Variants in TNR observed in about 807,000 individuals in gnomAD.
TNR encodes the protein tenascin R, also known as tenascin-R.
Under a neutral mutation model 150.4 loss-of-function variants are expected in TNR, and 45 were observed. The ratio of observed to expected loss-of-function variants is 0.30; its 90% CI spans 0.24 to 0.38. The LOEUF (loss-of-function observed/expected upper bound fraction) is 0.38. TNR is among the 10% of genes least tolerant of loss of function. The pLI, the probability that TNR is intolerant of heterozygous loss-of-function variation, is 1.00. For synonymous variants in TNR, 687 were observed against 678.4 expected (o/e 1.01, Z -0.20); for missense variants, 1,544 against 1,759.1 (o/e 0.88, Z 2.19).
intron 1 of TNR, among the ~76,000 whole-genome samples, chr1:175,557,888 A>G (rs368862493): frequency 0.021 from 2,170 of 104,508 alleles, 29 homozygotes; most frequent in South Asian, 0.054. Flanking sequence ...TCCAACAACG[A>G]TAGACTGGAT....
chr1:175,403,635 A>G lies in TNR; in HGVS notation c.500-19T>C, dbSNP rs980557229. 16 of 1,591,830 alleles carry G rather than the reference A, an allele frequency of 1.0e-5. No individual in the cohort carries two copies. Among genetic ancestry groups the G allele is most frequent in the Non-Finnish European group, 1.4e-5 (16 of 1,165,110 alleles). On this transcript the variant is annotated intron_variant, in intron 3 of 22. Coordinates refer to ENST00000367674, the MANE Select transcript of TNR (RefSeq NM_003285.3). ...AGTTGTCCTGGAATGGTCAAGGAGA[A>G]GGTCAAAGAGCAGCAGTGGCCTCTC...
chr1:175,522,635 C>T (rs1447971175), intron 2 of TNR, among the ~76,000 whole-genome samples: 4 of 152,110 alleles, frequency 2.6e-5, no homozygotes, highest in African/African-American at 9.7e-5. Flanking sequence ...GAAGTTGACA[C>T]AGTATGTAGT....
intron 2 of TNR, among the ~76,000 whole-genome samples, chr1:175,461,185 G>A (rs1166798508): frequency 3.9e-5 from 6 of 152,156 alleles, no homozygotes; most frequent in South Asian, 2.1e-4. Context: ...ACCCTGCAGG[G>A]GTCTGCATTT....
At chr1:175,700,697 CA>C (rs1666667329) in intron 1 of TNR, among the ~76,000 whole-genome samples, 1 of 152,188 alleles carries the variant, frequency 6.6e-6, no homozygotes, top group Non-Finnish European at 1.5e-5. Flanking sequence ...TTCCATACAT[CA>C]GGTGACCACG....
intron 2 of TNR, among the ~76,000 whole-genome samples, chr1:175,481,317 C>T (rs963924068): frequency 2.0e-5 from 3 of 152,130 alleles, no homozygotes; most frequent in Non-Finnish European, 4.4e-5. Context: ...TCGGTAGAGG[C>T]CACTGTTAAC....
Position 175,621,894 on chromosome 1 carries a change from T to A in TNR, c.-164-93525A>T, listed in dbSNP as rs116796147. On this transcript the variant is annotated intron_variant, in intron 1 of 22. Coordinates refer to ENST00000367674, the MANE Select transcript of TNR (RefSeq NM_003285.3). ...CAAAGGTTAAGGGTATGGCCCTAGA[T>A]TGAGCCTACCCTGGTTCACATCTCA... 5.8e-3 allele frequency among the ~76,000 whole-genome samples: 887 copies of A among 152,368 alleles called. 10 individuals carry two copies. The highest frequency in any genetic ancestry group is 0.02 in the African/African-American group (830 of 41,586).
intron 1 of TNR, among the ~76,000 whole-genome samples, chr1:175,572,227 C>T (rs1442361921): frequency 1.3e-5 from 2 of 152,164 alleles, no homozygotes; most frequent in African/African-American, 4.8e-5. Context: ...TAAAGAGTAG[C>T]CACTGCCATT....
At chr1:175,509,377 T>C (rs1235321272) in intron 2 of TNR, among the ~76,000 whole-genome samples, 3 of 152,234 alleles carry the variant, frequency 2.0e-5, no homozygotes, top group Non-Finnish European at 4.4e-5. Context: ...GGTCTTTGGA[T>C]GATAAAGCCT....
At chr1:175,426,548 T>G (rs1308041469) in intron 2 of TNR, among the ~76,000 whole-genome samples, 1 of 152,158 alleles carries the variant, frequency 6.6e-6, no homozygotes, top group East Asian at 1.9e-4. Flanking sequence ...GATGCATCTC[T>G]GAATCTCCCT....
At chr1:175,481,584 G>C (rs1657811028) in intron 2 of TNR, among the ~76,000 whole-genome samples, 2 of 152,138 alleles carry the variant, frequency 1.3e-5, no homozygotes, top group African/African-American at 4.8e-5. Context: ...ATGAGACACA[G>C]CCTCGGCAGA....
intron 1 of TNR, among the ~76,000 whole-genome samples, chr1:175,621,065 G>C (rs1663958890): frequency 6.6e-6 from 1 of 152,156 alleles, no homozygotes; most frequent in Non-Finnish European, 1.5e-5. Context: ...CTCTTGCCTT[G>C]ATTCAGGACG....
intron 1 of TNR, among the ~76,000 whole-genome samples, chr1:175,628,208 G>A (rs947292759): frequency 1.3e-5 from 2 of 152,306 alleles, no homozygotes; most frequent in African/African-American, 2.4e-5. Flanking sequence ...CAAGGAAAAT[G>A]TGTTTTCAGG....
chr1:175,455,131 C>A (rs906545037), intron 2 of TNR, among the ~76,000 whole-genome samples: 3 of 152,184 alleles, frequency 2.0e-5, no homozygotes, highest in Non-Finnish European at 4.4e-5. Context: ...CAGCAGTGGG[C>A]CAGACATGTG....
At chr1:175,539,927 G>A (rs920720583) in intron 1 of TNR, among the ~76,000 whole-genome samples, 2 of 152,110 alleles carry the variant, frequency 1.3e-5, no homozygotes, top group African/African-American at 4.8e-5. Flanking sequence ...AGGGACTTAA[G>A]GACTGCCATG....
At chr1:175,548,384 G>A (rs1249257832) in intron 1 of TNR, among the ~76,000 whole-genome samples, 2 of 152,062 alleles carry the variant, frequency 1.3e-5, no homozygotes, top group Non-Finnish European at 2.9e-5. Context: ...GTAGCTGCAC[G>A]AGGAGTCTCC....
intron 7 of TNR, among the ~76,000 whole-genome samples, chr1:175,389,415 T>C (rs1388882846): frequency 6.6e-6 from 1 of 152,298 alleles, no homozygotes; most frequent in African/African-American, 2.4e-5. Context: ...CTCATTCCAG[T>C]GAGGTCTTGT....
At chr1:175,623,099 C>T (rs1023185780) in intron 1 of TNR, among the ~76,000 whole-genome samples, 4 of 152,326 alleles carry the variant, frequency 2.6e-5, no homozygotes, top group Admixed American at 2.6e-4. Flanking sequence ...CAACCTATAA[C>T]AGTGCTCTTC....
Position 175,421,653 on chromosome 1 carries a change from A to G in TNR, c.-63-14876T>C, listed in dbSNP as rs550874137. ...TTTATCTGTAAGATAAGTCTACAGT[A>G]TTAAGTCAACAAGGAATATTTATTG... On this transcript the variant is annotated intron_variant, in intron 2 of 22. Transcript: ENST00000367674. 2.0e-5 allele frequency among the ~76,000 whole-genome samples: 3 copies of G among 152,366 alleles called. No individual in the cohort carries two copies. The East Asian group carries it at 5.8e-4, about 29-fold the overall frequency.
chr1:175,418,699 G>A (rs761626220), intron 2 of TNR, among the ~76,000 whole-genome samples: 12 of 151,510 alleles, frequency 7.9e-5, no homozygotes, highest in Non-Finnish European at 1.3e-4. Context: ...ACTCCAGCCT[G>A]GTGACAGAGC....
Sources: gnomAD v4.1 joint callset for allele counts (sites outside exome capture counted in the v4.1 genomes callset) on GRCh38, gnomAD v4.1.1 for gene constraint, MANE v1.5 for transcripts, NCBI Gene and HGNC (gene_info 2026-07-23, HGNC 2026-07-21) for gene names.